SYN3: variants seen among roughly 807,000 people sequenced by gnomAD.
SYN3 encodes the protein synapsin-3.
SYN3 carries 35 observed loss-of-function variants against 65.8 expected under a neutral mutation model. The ratio of observed to expected loss-of-function variants is 0.53; its 90% CI spans 0.41 to 0.70. SYN3 has a LOEUF of 0.70. Among genes scored for constraint, SYN3 ranks in the 30% least tolerant of loss-of-function variants. The probability of loss-of-function intolerance (pLI) is 0.00; values close to 1 mark genes in which losing one functional copy is unlikely to be tolerated. For missense variants in SYN3, 680 were observed against 749.0 expected (o/e 0.91, Z 1.08); for synonymous variants, 270 against 292.9 (o/e 0.92, Z 0.80).
intron 7 of SYN3, among the ~76,000 whole-genome samples, chr22:32,551,550 T>C (rs1601616446): frequency 1.3e-5 from 2 of 149,600 alleles, no homozygotes. Context: ...CAGAGGAGAC[T>C]GAACTGTTAT....
At chr22:32,556,875 T>TCTCGAACTCCTGGC (rs2058510836) in intron 7 of SYN3, among the ~76,000 whole-genome samples, 1 of 143,572 alleles carries the variant, frequency 7.0e-6, no homozygotes, top group Non-Finnish European at 1.5e-5. Flanking sequence ...CCCAGGCTGG[T>TCTCGAACTCCTGGC]CTCGAACTCC....
chr22:32,939,041 T>C (rs917841448), intron 3 of SYN3, among the ~76,000 whole-genome samples: 2 of 151,846 alleles, frequency 1.3e-5, no homozygotes, highest in African/African-American at 4.8e-5. Context: ...AGAAGGACAA[T>C]GATACCAGAT....
intron 4 of SYN3, among the ~76,000 whole-genome samples, chr22:32,893,870 C>T (rs1044272462): frequency 6.6e-6 from 1 of 152,136 alleles, no homozygotes; most frequent in Non-Finnish European, 1.5e-5. Context: ...TCTCTCATGG[C>T]CCTCAGTCCT....
chr22:32,972,048 G>A (rs11703699), intron 3 of SYN3, among the ~76,000 whole-genome samples: 31,487 of 152,040 alleles, frequency 0.21, 3,724 homozygotes, highest in Non-Finnish European at 0.27. Context: ...ATGTGACCTT[G>A]GAAGAGGCAG....
chr22:32,587,765 T>C (rs1601703442), intron 7 of SYN3, among the ~76,000 whole-genome samples: 1 of 152,146 alleles, frequency 6.6e-6, no homozygotes, highest in East Asian at 1.9e-4. Context: ...AAACATCGCC[T>C]GGAGGAGCGG....
intron 6 of SYN3, among the ~76,000 whole-genome samples, chr22:32,651,549 G>A (rs1400208245): frequency 1.5e-5 from 2 of 137,930 alleles, no homozygotes; most frequent in South Asian, 2.4e-4. Context: ...AAGTCAGGAA[G>A]CCTTGGATGC....
chr22:32,997,849 AC>A lies in SYN3; in HGVS notation c.311+8502del, dbSNP rs1311767548. On this transcript the variant is annotated intron_variant, in intron 2 of 13. Coordinates refer to ENST00000358763, the MANE Select transcript of SYN3 (RefSeq NM_003490.4). ...AGACCATCCTGGCTAACACGGTGAA[AC>A]CCCCGTCTCTACTAAAAAATACAAA... Among the ~76,000 whole-genome samples the A allele has an allele frequency of 2.0e-4, 31 of 151,642 alleles. 1 individual carries two copies. The highest frequency in any genetic ancestry group is 5.6e-4 in the African/African-American group (23 of 41,332).
rs1189710191 is a variant in SYN3 at position 32,693,592 on chromosome 22, G to GTTTTTTT, written c.712-96863_712-96857dup. Among the ~76,000 whole-genome samples, 178 of 90,492 alleles carry GTTTTTTT rather than the reference G, an allele frequency of 2.0e-3. 9 individuals are homozygous for GTTTTTTT. The highest frequency in any genetic ancestry group is 5.4e-3 in the East Asian group (14 of 2,586). The allele number at this position is 90,492 out of a possible 152,430, so 59.4% of individuals were successfully genotyped here. A position where few individuals can be genotyped will look rare whatever the true frequency, so the allele number is the denominator to read the frequency against. ...ATATAATATTATTTTTCTGTAGCTT[G>GTTTTTTT]TTTTTTTTTTTTTTTTTTTTTTTGA... is the stretch of plus-strand genomic sequence containing the variant. On this transcript the variant is annotated intron_variant, in intron 6 of 13. Transcript: ENST00000358763.
At chr22:32,595,183 C>G (rs12169301) in intron 7 of SYN3, among the ~76,000 whole-genome samples, 6,589 of 152,176 alleles carry the variant, frequency 0.043, 463 homozygotes, top group African/African-American at 0.15. Flanking sequence ...TACATTGATC[C>G]AAGCAAGGTT....
intron 6 of SYN3, among the ~76,000 whole-genome samples, chr22:32,645,334 C>A (rs1046954141): frequency 1.3e-5 from 2 of 151,898 alleles, no homozygotes; most frequent in African/African-American, 4.8e-5. Context: ...GCCTGTAATC[C>A]CAGCTACTTG....
At chr22:32,601,795 G>A (rs1193013627) in intron 6 of SYN3, among the ~76,000 whole-genome samples, 1 of 152,142 alleles carries the variant, frequency 6.6e-6, no homozygotes, top group African/African-American at 2.4e-5. Context: ...TGCCAGCTGT[G>A]GGCAGGATGG....
intron 6 of SYN3, among the ~76,000 whole-genome samples, chr22:32,820,263 C>CGT (rs1194847590): frequency 8.2e-6 from 1 of 121,950 alleles, no homozygotes; most frequent in East Asian, 2.3e-4. Context: ...TGTGTGTGTG[C>CGT]GTGCGCGTGT....
chr22:33,046,788 A>G lies in SYN3; in HGVS notation c.-163+11504T>C, dbSNP rs548093828. ...AAGCTGGGAGGCGGAAGTTGCAGTG[A>G]GGTGAGACCACACCACTGCACTCCA... On this transcript the variant is annotated intron_variant, in intron 1 of 13. Transcript: ENST00000358763. 3.5e-3 allele frequency among the ~76,000 whole-genome samples: 492 copies of G among 140,696 alleles called. 4 individuals carry two copies. Among genetic ancestry groups the G allele is most frequent in the Middle Eastern group, 0.011 (3 of 278 alleles). 92.3% of individuals were successfully genotyped at this position (140,696 alleles called of 152,430 possible).
At chr22:32,540,313 GC>G (rs2058234326) in intron 8 of SYN3, among the ~76,000 whole-genome samples, 1 of 152,190 alleles carries the variant, frequency 6.6e-6, no homozygotes, top group African/African-American at 2.4e-5. Context: ...GCTGGATTCG[GC>G]CTGTGGTTGT....
chr22:32,697,611 A>G (rs913517735), intron 6 of SYN3, among the ~76,000 whole-genome samples: 2 of 152,194 alleles, frequency 1.3e-5, no homozygotes, highest in Admixed American at 6.5e-5. Context: ...AAATTCCCCA[A>G]ATCCCATGTC....
intron 6 of SYN3, among the ~76,000 whole-genome samples, chr22:32,678,522 T>C (rs1166330665): frequency 6.6e-6 from 1 of 151,912 alleles, no homozygotes; most frequent in Non-Finnish European, 1.5e-5. Flanking sequence ...ATCCTTGTCG[T>C]TGAAAGACCT....
chr22:32,717,571 G>A (rs1445167481), intron 6 of SYN3, among the ~76,000 whole-genome samples: 1 of 152,164 alleles, frequency 6.6e-6, no homozygotes, highest in Admixed American at 6.5e-5. Flanking sequence ...TTATTCTGGG[G>A]GTGGTGGTGG....
chr22:32,698,794 G>C (rs2060772510), intron 6 of SYN3, among the ~76,000 whole-genome samples: 1 of 152,172 alleles, frequency 6.6e-6, no homozygotes, highest in African/African-American at 2.4e-5. Flanking sequence ...GATTAACTGA[G>C]AGCTAACTGT....
chr22:32,597,712 G>T (rs2059222710), intron 6 of SYN3, among the ~76,000 whole-genome samples: 1 of 152,194 alleles, frequency 6.6e-6, no homozygotes, highest in South Asian at 2.1e-4. Flanking sequence ...CACACTTGAG[G>T]ACAGCAGCCT....
Sources: gnomAD v4.1 joint callset for allele counts (sites outside exome capture counted in the v4.1 genomes callset) on GRCh38, gnomAD v4.1.1 for gene constraint, MANE v1.5 for transcripts, NCBI Gene and HGNC (gene_info 2026-07-23, HGNC 2026-07-21) for gene names.